MLXIP: variants seen among roughly 807,000 people sequenced by gnomAD.
MLXIP encodes MLX interacting protein.
MLXIP carries 30 observed loss-of-function variants against 87.2 expected under a neutral mutation model. The ratio of observed to expected loss-of-function variants is 0.34; its 90% CI spans 0.26 to 0.47. The LOEUF (loss-of-function observed/expected upper bound fraction) is 0.47. Ranked by LOEUF, MLXIP falls within the 20% of genes least tolerant of loss-of-function variation. The probability of loss-of-function intolerance (pLI) is 1.00; values close to 1 mark genes in which losing one functional copy is unlikely to be tolerated. For synonymous variants in MLXIP, 530 were observed against 514.0 expected (o/e 1.03, Z -0.42); for missense variants, 1,002 against 1,240.1 (o/e 0.81, Z 2.88).
chr12:122,127,981 G>A lies in MLXIP; in HGVS notation c.606+13G>A, dbSNP rs528632310. 2 of 1,611,016 alleles carry A rather than the reference G, an allele frequency of 1.2e-6. No homozygotes were observed. Among genetic ancestry groups the A allele is most frequent in the African/African-American group, 1.3e-5 (1 of 75,038 alleles). ...CCGCCGGCCGGAGGTACTTGGCAGT[G>A]ACCAAGGGTGGCTGAGAGTGGAAAC... On this transcript the variant is annotated intron_variant, in intron 3 of 16. Transcript: ENST00000319080.
At chr12:122,110,101 G>A (rs1952581318) in intron 1 of MLXIP, among the ~76,000 whole-genome samples, 1 of 152,002 alleles carries the variant, frequency 6.6e-6, no homozygotes, top group Admixed American at 6.6e-5. Context: ...AAATAATTGG[G>A]AACAATCTTT....
chr12:122,081,446 GA>G, intron 1 of MLXIP, among the ~76,000 whole-genome samples: 1 of 152,326 alleles, frequency 6.6e-6, no homozygotes, highest in Non-Finnish European at 1.5e-5. Context: ...CTGTGGCACA[GA>G]AAGAAACTAG....
rs796820852 is a variant in MLXIP at position 122,137,136 on chromosome 12, TA to T, written c.2033-327del. On this transcript the variant is annotated intron_variant, in intron 11 of 16. Coordinates refer to ENST00000319080, the MANE Select transcript of MLXIP (RefSeq NM_014938.6). The surrounding 1 kb of genome is among the most constrained non-coding windows in gnomAD (Gnocchi z 4.1). ...ACAATATAGTGAGACCTTGGCTCTATAAAAAATGTTTTTTAATTAAAAAATA... is the reference window on the plus strand; with the variant it reads ...ACAATATAGTGAGACCTTGGCTCTATAAAAATGTTTTTTAATTAAAAAATA... The T allele has an allele frequency of 5.8e-5, 9 of 156,280 alleles. No individual in the cohort carries two copies. The highest frequency in any genetic ancestry group is 2.2e-4 in the African/African-American group (9 of 41,664). The allele number at this position is 156,280 out of a possible 1,614,324, so 9.7% of individuals were successfully genotyped here. A position where few individuals can be genotyped will look rare whatever the true frequency, so the allele number is the denominator to read the frequency against.
Position 122,141,039 on chromosome 12 carries a change from T to C in MLXIP, c.2594T>C (p.Leu865Pro). ...SSLEELHRTA[L>P]SWLDQHCSLP... ...CTGGAGGAGCTGCACCGGACGGCGC[T>C]CTCCTGGCTGGACCAGCACTGCTCC... is the stretch of plus-strand genomic sequence containing the variant. The change falls in exon 16 of 17, where the codon CTC becomes CCC. Residue 865 changes from leucine to proline, a missense_variant. Around this residue, in one of 3 missense-constraint regions of MLXIP, gnomAD observed 746 missense variants for 897.0 expected, o/e 0.83. Coordinates refer to ENST00000319080, the MANE Select transcript of MLXIP (RefSeq NM_014938.6). The C allele has an allele frequency of 6.2e-7, 1 of 1,613,530 alleles. No individual in the cohort carries two copies. The highest frequency in any genetic ancestry group is 1.7e-5 in the Admixed American group (1 of 60,026).
In MLXIP at chr12:122,135,803, C is replaced by A; in HGVS notation, c.2032+137C>A. ...CACACAGTGAGGTCTTGTAGGCCTG[C>A]TGATAACACAGTCTGGGAACACGCT... On this transcript the variant is annotated intron_variant, in intron 11 of 16. Transcript: ENST00000319080. The surrounding 1 kb of genome is among the most constrained non-coding windows in gnomAD (Gnocchi z 5.3). 9.5e-7 allele frequency: 1 copy of A among 1,051,998 alleles called. No homozygotes were observed. The highest frequency in any genetic ancestry group is 1.3e-6 in the Non-Finnish European group (1 of 763,478). The allele number at this position is 1,051,998 out of a possible 1,614,324, so 65.2% of individuals were successfully genotyped here.
At chr12:122,110,355 T>G (rs1952585180) in intron 1 of MLXIP, among the ~76,000 whole-genome samples, 1 of 151,974 alleles carries the variant, frequency 6.6e-6, no homozygotes, top group African/African-American at 2.4e-5. Flanking sequence ...TGGCGCGGTC[T>G]TGGGTCACTG....
At chr12:122,140,861 C>A in intron 15 of MLXIP, 93 bp from the exon 16 acceptor site, 1 of 1,588,512 alleles carries the variant, frequency 6.3e-7, no homozygotes, top group South Asian at 1.1e-5. Flanking sequence ...CTTTCCAGCC[C>A]CAGGGGAAAG....
rs1953309793 is a variant in MLXIP, at chr12:122,146,739, G to C, written c.*4927G>C. The C allele has an allele frequency of 7.0e-6, 1 of 142,760 alleles. No individual in the cohort carries two copies. Among genetic ancestry groups the C allele is most frequent in the Non-Finnish European group, 1.5e-5 (1 of 67,960 alleles). 8.8% of individuals were successfully genotyped at this position (142,760 alleles called of 1,614,324 possible). ...CCTCCATGCCCCAGTCACACTGTTGGTTCTGCGCTCTGAACCTGGGTGTAG... is the reference window on the plus strand; with the variant it reads ...CCTCCATGCCCCAGTCACACTGTTGCTTCTGCGCTCTGAACCTGGGTGTAG... On this transcript the variant is annotated 3_prime_UTR_variant, in exon 17 of 17. Coordinates refer to ENST00000319080, the MANE Select transcript of MLXIP (RefSeq NM_014938.6).
chr12:122,079,000 G>T lies in MLXIP; in HGVS notation c.147G>T (p.Pro49=). 2 of 1,143,848 alleles carry T rather than the reference G, an allele frequency of 1.7e-6. No homozygotes were observed. Among genetic ancestry groups the T allele is most frequent in the Non-Finnish European group, 2.1e-6 (2 of 934,180 alleles). The allele number at this position is 1,143,848 out of a possible 1,614,324, so 70.9% of individuals were successfully genotyped here. Reference sequence around the variant, plus strand: ...CGCCCGCCTCCGGCGCGGCCACCCCGGCCCGGGCCCACGCGAGCGCCGCGC... The same window carrying T: ...CGCCCGCCTCCGGCGCGGCCACCCCTGCCCGGGCCCACGCGAGCGCCGCGC... ...SPPPASGAAT[P]ARAHASAAPP... is the part of the protein sequence containing the mutation. The change falls in exon 1 of 17, where the codon CCG becomes CCT. Residue 49 remains proline (P), a synonymous_variant. Coordinates refer to ENST00000319080, the MANE Select transcript of MLXIP (RefSeq NM_014938.6).
At chr12:122,127,387 CGGT>C (rs780751439) in intron 2 of MLXIP, 25 bp downstream of exon 2, 1 of 1,551,982 alleles carries the variant, frequency 6.4e-7, no homozygotes, top group Middle Eastern at 1.8e-4. Context: ...GCCTGGGCGC[CGGT>C]GGTGGTCAGA....
intron 6 of MLXIP, 64 bp downstream of exon 6, chr12:122,130,176 C>T: frequency 6.6e-7 from 1 of 1,514,274 alleles, no homozygotes; most frequent in Non-Finnish European, 8.9e-7. Flanking sequence ...CAGGCCCCCT[C>T]TGGGCCAGGG....
In MLXIP at chr12:122,094,260, GGT is replaced by G. The variant is rs1185923340; in HGVS notation, c.413+15000_413+15001del. 1.7e-4 allele frequency among the ~76,000 whole-genome samples: 25 copies of G among 144,388 alleles called. No individual in the cohort carries two copies. The South Asian group carries it at 2.3e-3, about 13-fold the overall frequency. 94.7% of individuals were successfully genotyped at this position (144,388 alleles called of 152,430 possible). ...CTGGTGTGGTATTGGTGTGTGTGTT[GGT>G]GTGTGGGTGTGTGCGATGTCTGTGT... On this transcript the variant is annotated intron_variant, in intron 1 of 16. Transcript: ENST00000319080.
chr12:122,079,065 C>A lies in MLXIP; in HGVS notation c.212C>A (p.Pro71Gln), dbSNP rs748003606. The part of the protein sequence containing the change: ...PRAGPGREEP[P>Q]RRQQIIHSGH... ...GCCGGGCCGGGCCGCGAGGAACCTC[C>A]GCGCCGCCAGCAGATCATCCACAGC... The change falls in exon 1 of 17, where the codon CCG (proline) becomes CAG (glutamine). Residue 71 changes from proline to glutamine, a missense_variant. By Grantham distance (76) the Pro-to-Gln change is moderately conservative (BLOSUM62 -1). Coordinates refer to ENST00000319080, the MANE Select transcript of MLXIP (RefSeq NM_014938.6). 9.9e-6 allele frequency: 15 copies of A among 1,522,234 alleles called. No individual in the cohort carries two copies. The African/African-American group carries it at 2.0e-4, about 20-fold the overall frequency. 94.3% of individuals were successfully genotyped at this position (1,522,234 alleles called of 1,614,324 possible).
chr12:122,137,645 A>G lies in MLXIP; in HGVS notation c.2154+55A>G, dbSNP rs915767191. The G allele has an allele frequency of 5.1e-6, 8 of 1,575,646 alleles. No homozygotes were observed. In the African/African-American group the frequency reaches 7.2e-5, roughly 14 times the overall value. On this transcript the variant is annotated intron_variant, in intron 12 of 16. Coordinates refer to ENST00000319080, the MANE Select transcript of MLXIP (RefSeq NM_014938.6). This position sits in a 1 kb window ranked among gnomAD's most constrained non-coding sequence, Gnocchi z 4.1. The stretch of plus-strand genomic sequence containing the variant: ...GGAGGAGGGGAGAGGAGTGCAGGAC[A>G]TCAAGGATCTGTGTCTTGTCTGGAA...
At chr12:122,091,658 T>A (rs1952246917) in intron 1 of MLXIP, among the ~76,000 whole-genome samples, 1 of 152,342 alleles carries the variant, frequency 6.6e-6, no homozygotes, top group African/African-American at 2.4e-5. Context: ...CCTTTTCTGT[T>A]ATTTATTTTC....
intron 1 of MLXIP, among the ~76,000 whole-genome samples, chr12:122,084,520 T>C (rs1042009051): frequency 9.2e-5 from 14 of 152,180 alleles, no homozygotes; most frequent in African/African-American, 3.4e-4. Context: ...GAACATTTAT[T>C]ATGTTCCACA....
At chr12:122,129,296 G>A (rs1952932771) in intron 4 of MLXIP, 70 bp downstream of exon 4, 3 of 1,381,638 alleles carry the variant, frequency 2.2e-6, no homozygotes, top group Non-Finnish European at 2.0e-6. Flanking sequence ...TCAGGGCCCT[G>A]GCCGAGGCGG....
chr12:122,140,134 C>T (rs939958425), intron 15 of MLXIP, among the ~76,000 whole-genome samples: 5 of 152,226 alleles, frequency 3.3e-5, no homozygotes, highest in African/African-American at 1.2e-4. Flanking sequence ...TACTCCCCAT[C>T]ATCAGGCCGA....
rs1455083098 is a variant in MLXIP, at chr12:122,143,271, T to A, written c.*1459T>A. On this transcript the variant is annotated 3_prime_UTR_variant, in exon 17 of 17. Transcript: ENST00000319080. ...GGGCACGCCTGGGCTGTCCCACAGT[T>A]TAGATCCAGTTGGAGGTTCTCCCTG... is the stretch of plus-strand genomic sequence containing the variant. The A allele has an allele frequency of 6.6e-6, 1 of 152,292 alleles. No individual in the cohort carries two copies. Among genetic ancestry groups the A allele is most frequent in the Admixed American group, 6.5e-5 (1 of 15,290 alleles). 9.4% of individuals were successfully genotyped at this position (152,292 alleles called of 1,614,324 possible).
Sources: allele counts gnomAD v4.1 joint callset (sites outside exome capture counted in the v4.1 genomes callset), GRCh38; gene constraint gnomAD v4.1.1; regional missense constraint gnomAD v4.1.1; non-coding constraint Gnocchi (gnomAD v3.1); transcripts MANE v1.5; gene names NCBI Gene and HGNC (gene_info 2026-07-23, HGNC 2026-07-21).